NTM: variants seen among roughly 807,000 people sequenced by gnomAD.
NTM encodes IgLON family member 2.
NTM carries 13 observed loss-of-function variants against 42.1 expected under a neutral mutation model. The ratio of observed to expected loss-of-function variants is 0.31; its 90% CI spans 0.20 to 0.49. NTM has a LOEUF of 0.49. Ranked by LOEUF, NTM falls within the 20% of genes least tolerant of loss-of-function variation. The pLI, the probability that NTM is intolerant of heterozygous loss-of-function variation, is 0.99. For missense variants in NTM, 373 were observed against 452.8 expected (o/e 0.82, Z 1.60); for synonymous variants, 187 against 179.2 (o/e 1.04, Z -0.35).
intron 2 of NTM, among the ~76,000 whole-genome samples, chr11:131,982,854 C>T (rs1237352245): frequency 6.6e-6 from 1 of 152,116 alleles, no homozygotes; most frequent in Admixed American, 6.5e-5. Context: ...AGATTTAACA[C>T]AAAGAAAGGA....
intron 7 of NTM, among the ~76,000 whole-genome samples, chr11:132,321,322 A>G (rs1247783011): frequency 1.3e-5 from 2 of 152,184 alleles, no homozygotes; most frequent in East Asian, 3.9e-4. Flanking sequence ...CAATACAGAG[A>G]AGTGCTTAAA....
rs542224508 is a variant in NTM at position 131,837,717 on chromosome 11, AT to A, written c.83-73846del. ...AAAGGTTCCTGTGCACCCGAGGGCT[AT>A]GCGTGGTGTTGCGGGAGACCTGTCA... On this transcript the variant is annotated intron_variant, in intron 1 of 8. Transcript: ENST00000683400. Among the ~76,000 whole-genome samples the A allele has an allele frequency of 6.2e-3, 936 of 152,158 alleles. 12 individuals are homozygous for A. Among genetic ancestry groups the A allele is most frequent in the African/African-American group, 0.021 (858 of 41,530 alleles).
intron 2 of NTM, among the ~76,000 whole-genome samples, chr11:132,080,859 A>C (rs1404167953): frequency 6.6e-6 from 1 of 152,178 alleles, no homozygotes; most frequent in East Asian, 1.9e-4. Flanking sequence ...GCTGATGGCA[A>C]GTGGGAATGA....
intron 2 of NTM, among the ~76,000 whole-genome samples, chr11:132,010,419 A>G (rs562688374): frequency 9.8e-5 from 15 of 152,300 alleles, no homozygotes; most frequent in South Asian, 4.1e-4. Flanking sequence ...TGCTCTTCCC[A>G]GAGACCCTCT....
intron 2 of NTM, among the ~76,000 whole-genome samples, chr11:131,999,682 C>T (rs111254145): frequency 0.019 from 2,845 of 152,246 alleles, 91 homozygotes; most frequent in African/African-American, 0.065. Context: ...TTTTGAAGAG[C>T]CTTGTTCTTT....
At chr11:131,400,023 T>C (rs992585765) in intron 1 of NTM, among the ~76,000 whole-genome samples, 4 of 152,208 alleles carry the variant, frequency 2.6e-5, no homozygotes, top group Admixed American at 6.5e-5. Flanking sequence ...ATTTATGCTA[T>C]GTATGGGGCC....
chr11:131,885,641 C>T (rs546293800), intron 1 of NTM, among the ~76,000 whole-genome samples: 4 of 152,302 alleles, frequency 2.6e-5, no homozygotes, highest in Admixed American at 6.5e-5. Flanking sequence ...TCCCCACAAA[C>T]GTCATTAGTT....
chr11:132,176,849 C>T (rs1472232512), intron 3 of NTM, among the ~76,000 whole-genome samples: 1 of 150,424 alleles, frequency 6.6e-6, no homozygotes, highest in Non-Finnish European at 1.5e-5. Context: ...TTGCCTCAGC[C>T]TCCCAAGTAG....
At chr11:131,616,369 G>T (rs1393586532) in intron 1 of NTM, among the ~76,000 whole-genome samples, 1 of 152,154 alleles carries the variant, frequency 6.6e-6, no homozygotes, top group Non-Finnish European at 1.5e-5. Context: ...CTGGAGAGTG[G>T]GAAATGACCG....
At chr11:131,450,281 T>C (rs547915648) in intron 1 of NTM, among the ~76,000 whole-genome samples, 37 of 152,318 alleles carry the variant, frequency 2.4e-4, no homozygotes, top group African/African-American at 8.9e-4. Context: ...AGAAAGACAA[T>C]GTTTATGCAT....
chr11:132,213,261 G>T (rs1175268923), intron 4 of NTM, among the ~76,000 whole-genome samples: 1 of 152,148 alleles, frequency 6.6e-6, no homozygotes, highest in Non-Finnish European at 1.5e-5. Context: ...GGGAAAAGTG[G>T]GAAACAGAAT....
intron 1 of NTM, among the ~76,000 whole-genome samples, chr11:131,526,498 T>C (rs920939377): frequency 6.6e-6 from 1 of 152,188 alleles, no homozygotes; most frequent in Non-Finnish European, 1.5e-5. Flanking sequence ...GAAATCATCT[T>C]TGTACATTTT....
chr11:131,786,443 C>G (rs1477899144), intron 1 of NTM, among the ~76,000 whole-genome samples: 2 of 152,174 alleles, frequency 1.3e-5, no homozygotes, highest in South Asian at 2.1e-4. Flanking sequence ...TGCTCAAGTT[C>G]ACATTCTTCT....
chr11:131,726,433 A>T (rs931523477), intron 1 of NTM, among the ~76,000 whole-genome samples: 2 of 146,250 alleles, frequency 1.4e-5, no homozygotes, highest in Non-Finnish European at 2.9e-5. Context: ...AATGGCATCT[A>T]GAGACACCAG....
intron 1 of NTM, among the ~76,000 whole-genome samples, chr11:131,854,328 C>T (rs906532326): frequency 3.3e-5 from 5 of 152,164 alleles, no homozygotes; most frequent in Admixed American, 1.3e-4. Flanking sequence ...CAGCATTAAA[C>T]GACACCAAAT....
At chr11:132,075,410 G>A (rs1438512584) in intron 2 of NTM, among the ~76,000 whole-genome samples, 1 of 152,166 alleles carries the variant, frequency 6.6e-6, no homozygotes, top group East Asian at 1.9e-4. Flanking sequence ...TATTTTTGGT[G>A]ACTCACCATT....
At chr11:131,885,148 C>G (rs2050180640) in intron 1 of NTM, among the ~76,000 whole-genome samples, 1 of 152,188 alleles carries the variant, frequency 6.6e-6, no homozygotes, top group African/African-American at 2.4e-5. Context: ...GACTGGACAC[C>G]ACACCTCACC....
At chr11:131,560,719 C>T (rs1363433399) in intron 1 of NTM, among the ~76,000 whole-genome samples, 1 of 152,196 alleles carries the variant, frequency 6.6e-6, no homozygotes, top group Non-Finnish European at 1.5e-5. Context: ...AATAAACAAT[C>T]GCTCTCTCAT....
chr11:131,485,400 G>C (rs181820183), intron 1 of NTM, among the ~76,000 whole-genome samples: 2 of 152,284 alleles, frequency 1.3e-5, no homozygotes, highest in African/African-American at 4.8e-5. Flanking sequence ...ATTTTGTATA[G>C]ATTATTTTGC....
Sources: allele counts gnomAD v4.1 joint callset (sites outside exome capture counted in the v4.1 genomes callset), GRCh38; gene constraint gnomAD v4.1.1; transcripts MANE v1.5; gene names NCBI Gene and HGNC (gene_info 2026-07-23, HGNC 2026-07-21).